ABCG8: variants seen among roughly 807,000 people sequenced by gnomAD.
ABCG8 encodes the protein ATP binding cassette subfamily G member 8.
Under a neutral mutation model 71.3 loss-of-function variants are expected in ABCG8, and 81 were observed. The ratio of observed to expected loss-of-function variants is 1.14; its 90% CI spans 0.95 to 1.37. The LOEUF (loss-of-function observed/expected upper bound fraction) is 1.37. ABCG8 is among the 40% of genes most tolerant of loss of function. The pLI, the probability that ABCG8 is intolerant of heterozygous loss-of-function variation, is 0.00. For missense variants in ABCG8, 1,119 were observed against 866.2 expected (o/e 1.29, Z -3.66); for synonymous variants, 451 against 354.7 (o/e 1.27, Z -3.05).
intron 6 of ABCG8, among the ~76,000 whole-genome samples, chr2:43,866,278 G>A (rs1669529741): frequency 6.6e-6 from 1 of 150,534 alleles, no homozygotes; most frequent in South Asian, 2.1e-4. Context: ...TCAGGACATA[G>A]GCACGGGCAA....
chr2:43,860,721 G>A (rs57167155), intron 6 of ABCG8, among the ~76,000 whole-genome samples: 7,716 of 140,762 alleles, frequency 0.055, 134 homozygotes, highest in Middle Eastern at 0.16. Context: ...CCCTCTGGAT[G>A]GAACTCTCAC....
chr2:43,842,450 C>T (rs1477674294), intron 1 of ABCG8, among the ~76,000 whole-genome samples: 6 of 152,138 alleles, frequency 3.9e-5, no homozygotes, highest in Non-Finnish European at 8.8e-5. Flanking sequence ...AGCATCTGTC[C>T]GAGCTGCTTT....
At chr2:43,869,954 G>A (rs997997087) in intron 6 of ABCG8, among the ~76,000 whole-genome samples, 2 of 151,808 alleles carry the variant, frequency 1.3e-5, no homozygotes, top group South Asian at 4.2e-4. Context: ...TGTCGATCAC[G>A]TTGGAATTCT....
At position 43,846,283 on chromosome 2, in the gene ABCG8, G is replaced by A; in HGVS notation, c.294G>A (p.Gly98=). The A allele has an allele frequency of 6.2e-7, 1 of 1,614,212 alleles. No individual in the cohort carries two copies. The highest frequency in any genetic ancestry group is 8.5e-7 in the Non-Finnish European group (1 of 1,180,038). ...IQNLSFKVRS[G]QMLAIIGSSG... is the part of the protein sequence containing the mutation. The stretch of plus-strand genomic sequence containing the variant: ...ACCTAAGCTTCAAAGTGAGAAGTGG[G>A]CAGATGCTGGCCATCATAGGGAGCT... Residue 98 remains glycine (G), a synonymous_variant, in exon 3 of 13, where the codon GGG becomes GGA. Transcript: ENST00000272286.
rs761099250 is a variant in ABCG8, at chr2:43,880,023, C to T, written c.*2110C>T. On this transcript the variant is annotated 3_prime_UTR_variant, in exon 13 of 13. Coordinates refer to ENST00000272286, the MANE Select transcript of ABCG8 (RefSeq NM_022437.3). Reference sequence around the variant, plus strand: ...CTTGTGAATTCCCATTGTATCCTTACAACCCTTTATTATTGTGATTAATTC... The same window carrying T: ...CTTGTGAATTCCCATTGTATCCTTATAACCCTTTATTATTGTGATTAATTC... 5 of 152,086 alleles carry T rather than the reference C, an allele frequency of 3.3e-5. No homozygotes were observed. Among genetic ancestry groups the T allele is most frequent in the African/African-American group, 4.8e-5 (2 of 41,416 alleles). 9.4% of individuals were successfully genotyped at this position (152,086 alleles called of 1,614,324 possible). A position where few individuals can be genotyped will look rare whatever the true frequency, so the allele number is the denominator to read the frequency against.
intron 10 of ABCG8, 138 bp from the exon 11 acceptor site, chr2:43,875,008 C>G: frequency 7.9e-7 from 1 of 1,262,822 alleles, no homozygotes; most frequent in Non-Finnish European, 1.1e-6. Flanking sequence ...CTCCTGGGTC[C>G]CAGCACACCC....
intron 6 of ABCG8, among the ~76,000 whole-genome samples, chr2:43,853,800 T>G (rs571223773): frequency 5.3e-5 from 8 of 152,312 alleles, no homozygotes; most frequent in Admixed American, 3.9e-4. Context: ...GAACTGGGAC[T>G]GGTGCCCAGC....
In ABCG8 at chr2:43,880,574, G is replaced by A. The variant is rs1670103360; in HGVS notation, c.*2661G>A. 1 of 152,108 alleles carries A rather than the reference G, an allele frequency of 6.6e-6. No individual in the cohort carries two copies. Among genetic ancestry groups the A allele is most frequent in the African/African-American group, 2.4e-5 (1 of 41,388 alleles). The allele number at this position is 152,108 out of a possible 1,614,324, so 9.4% of individuals were successfully genotyped here. On this transcript the variant is annotated 3_prime_UTR_variant, in exon 13 of 13. Transcript: ENST00000272286. ...GTGGAAAATGGTATTTAGAAGCCAA[G>A]GTTTTGGTGATAAGTATGCTCTTTG...
Position 43,839,039 on chromosome 2 carries a change from A to C in ABCG8, c.-15A>C, listed in dbSNP as rs72647315. The C allele has an allele frequency of 6.5e-3, 10,050 of 1,550,728 alleles. 559 individuals are homozygous for C. The African/African-American group carries it at 0.12, about 19-fold the overall frequency. ...TAAGAGAGCTGCAGCCCAGGGTCAC[A>C]GACCTGTGGGCCCCATGGCCGGGAA... On this transcript the variant is annotated 5_prime_UTR_variant, in exon 1 of 13. Coordinates refer to ENST00000272286, the MANE Select transcript of ABCG8 (RefSeq NM_022437.3).
chr2:43,877,615 T>C lies in ABCG8; in HGVS notation c.1811T>C (p.Met604Thr). The C allele has an allele frequency of 1.2e-6, 2 of 1,614,086 alleles. No homozygotes were observed. Among genetic ancestry groups the C allele is most frequent in the Non-Finnish European group, 1.7e-6 (2 of 1,180,002 alleles). ...CTGCGGTGGTGTTTTGAAGGGCTGA[T>C]GAAGATTCAGTTCAGCAGAAGAACT... ...SFLRWCFEGLMKIQFSRRTYK... is the reference protein window; with the variant it reads ...SFLRWCFEGLTKIQFSRRTYK... The change falls in exon 12 of 13, where the codon ATG (methionine) becomes ACG (threonine). Residue 604 changes from methionine (M) to threonine (T), a missense_variant. Transcript: ENST00000272286.
chr2:43,869,601 C>T (rs1221227288), intron 6 of ABCG8, among the ~76,000 whole-genome samples: 1 of 151,556 alleles, frequency 6.6e-6, no homozygotes, highest in Non-Finnish European at 1.5e-5. Context: ...AATTCTTACT[C>T]TCTGGATAGA....
rs779861537 is a variant in ABCG8, at chr2:43,846,164, G to T, written c.175G>T (p.Ala59Ser). ...TGATATCTCCCCACAGGTGGACCTG[G>T]CCTCTCAGGTCCCTTGGTTTGAGCA... ...VRDLNYQVDL[A>S]SQVPWFEQLA... The change falls in exon 3 of 13, where the codon GCC becomes TCC. Residue 59 changes from alanine to serine, a missense_variant. Transcript: ENST00000272286. 2.5e-6 allele frequency: 4 copies of T among 1,613,274 alleles called. No individual in the cohort carries two copies. Among genetic ancestry groups the T allele is most frequent in the Middle Eastern group, 1.8e-4 (1 of 5,450 alleles).
chr2:43,846,450 G>C, intron 3 of ABCG8, 139 bp downstream of exon 3: 7 of 1,267,032 alleles, frequency 5.5e-6, no homozygotes, highest in Non-Finnish European at 7.8e-6. Context: ...CACAGGTTCT[G>C]GGTCAGACAG....
intron 6 of ABCG8, among the ~76,000 whole-genome samples, chr2:43,865,234 C>T (rs1441774322): frequency 6.9e-6 from 1 of 144,986 alleles, no homozygotes; most frequent in African/African-American, 2.6e-5. Flanking sequence ...ATGGAACTCT[C>T]ACTATCTGTC....
At chr2:43,864,997 T>C (rs1036403251) in intron 6 of ABCG8, among the ~76,000 whole-genome samples, 2 of 148,640 alleles carry the variant, frequency 1.3e-5, no homozygotes, top group Non-Finnish European at 3.0e-5. Context: ...TGTATCTGGA[T>C]AGAATTCTCA....
At chr2:43,862,036 C>G (rs566150476) in intron 6 of ABCG8, among the ~76,000 whole-genome samples, 1 of 151,182 alleles carries the variant, frequency 6.6e-6, no homozygotes, top group East Asian at 2.0e-4. Context: ...GGATAGAATT[C>G]TCACCATCTA....
At chr2:43,863,087 A>T (rs538201829) in intron 6 of ABCG8, among the ~76,000 whole-genome samples, 26 of 131,240 alleles carry the variant, frequency 2.0e-4, no homozygotes, top group African/African-American at 7.1e-4. Context: ...TTCTCACCAT[A>T]TGGATAGAAC....
chr2:43,849,783 T>G (rs1245477135), intron 3 of ABCG8, among the ~76,000 whole-genome samples: 3 of 152,184 alleles, frequency 2.0e-5, no homozygotes, highest in Non-Finnish European at 4.4e-5. Context: ...GTTCCACTCA[T>G]GTTCTCAGGG....
chr2:43,846,135 C>T lies in ABCG8; in HGVS notation c.166-20C>T, dbSNP rs1668735005. On this transcript the variant is annotated intron_variant, in intron 2 of 12. Transcript: ENST00000272286. ...TGAACCATTCAGCTCTCTAAGGAAC[C>T]TTCTGATATCTCCCCACAGGTGGAC... 1 of 1,612,288 alleles carries T rather than the reference C, an allele frequency of 6.2e-7. No individual in the cohort carries two copies. Among genetic ancestry groups the T allele is most frequent in the Non-Finnish European group, 8.5e-7 (1 of 1,179,956 alleles).
Sources: gnomAD v4.1 joint callset for allele counts (sites outside exome capture counted in the v4.1 genomes callset) on GRCh38, gnomAD v4.1.1 for gene constraint, MANE v1.5 for transcripts, NCBI Gene and HGNC (gene_info 2026-07-23, HGNC 2026-07-21) for gene names.